The following NFIB variants were observed in gnomAD, a reference collection of about 807,000 sequenced individuals.
NFIB encodes the protein nuclear factor 1 B-type.
A neutral mutation model predicts 61.5 loss-of-function variants in NFIB; 11 were observed. The ratio of observed to expected loss-of-function variants is 0.18; its 90% CI spans 0.11 to 0.30. The LOEUF (loss-of-function observed/expected upper bound fraction) is 0.30. NFIB is among the 10% of genes least tolerant of loss of function. The pLI is 1.00. For synonymous variants in NFIB, 260 were observed against 216.5 expected, an observed-to-expected ratio of 1.20 and a Z score of -1.76; for missense variants, 471 against 608.9, an observed-to-expected ratio of 0.77 and a Z score of 2.38.
chr9:14,233,421 C>CTTTTT (rs766595252), intron 2 of NFIB, among the ~76,000 whole-genome samples: 2 of 109,128 alleles, frequency 1.8e-5, no homozygotes, highest in Admixed American at 9.8e-5. Flanking sequence ...TGCTATTATT[C>CTTTTT]TTTTTTTTTT....
upstream of NFIB, among the ~76,000 whole-genome samples, chr9:14,400,651 T>C (rs1321350238): frequency 6.6e-6 from 1 of 152,108 alleles, no homozygotes; most frequent in Non-Finnish European, 1.5e-5. Flanking sequence ...ATGCAAATAT[T>C]AACAAAGCAA....
At position 14,311,306 on chromosome 9, in the gene NFIB, C is replaced by A. The variant is rs1463137246; in HGVS notation, c.30+2176G>T. The stretch of plus-strand genomic sequence containing the variant: ...ATACTCTATTTTGCAATTTACATGT[C>A]CTGAGACATGTTTTTCTACAGCTAC... On this transcript the variant is annotated intron_variant, in intron 1 of 10. Coordinates refer to ENST00000380953, the MANE Select transcript of NFIB (RefSeq NM_001190737.2). 2.0e-5 allele frequency among the ~76,000 whole-genome samples: 3 copies of A among 151,968 alleles called. No homozygotes were observed. In the South Asian group the frequency reaches 6.2e-4, roughly 32 times the overall value.
intron 1 of NFIB, among the ~76,000 whole-genome samples, chr9:14,332,913 G>A (rs1324346575): frequency 2.0e-5 from 3 of 152,120 alleles, no homozygotes; most frequent in Non-Finnish European, 4.4e-5. Context: ...TCGGAAGGGT[G>A]GTCTGATAAT....
At chr9:14,156,316 C>T (rs926458329) in intron 3 of NFIB, among the ~76,000 whole-genome samples, 10 of 152,144 alleles carry the variant, frequency 6.6e-5, no homozygotes, top group African/African-American at 1.4e-4. Flanking sequence ...TTAAAGCCAC[C>T]GTTCTTTTGT....
intron 1 of NFIB, among the ~76,000 whole-genome samples, chr9:14,355,246 G>A (rs989663419): frequency 6.6e-6 from 1 of 152,118 alleles, no homozygotes; most frequent in African/African-American, 2.4e-5. Context: ...CAGTATGACT[G>A]GTGGAGTCCC....
intron 3 of NFIB, among the ~76,000 whole-genome samples, chr9:14,157,732 T>C (rs2043603211): frequency 2.0e-5 from 3 of 152,162 alleles, no homozygotes; most frequent in Non-Finnish European, 4.4e-5. Context: ...ATGTTTTGAC[T>C]CTTCTGGACC....
chr9:14,531,770 TC>T, the NFIB span: 1 of 151,424 alleles, frequency 6.6e-6, no homozygotes, highest in Admixed American at 6.6e-5. Context: ...AGCAGGGAAA[TC>T]CTATCTAGCA....
chr9:14,488,735 T>C, the NFIB span, among the ~76,000 whole-genome samples: 1 of 152,186 alleles, frequency 6.6e-6, no homozygotes, highest in Non-Finnish European at 1.5e-5. Flanking sequence ...ACATTACTAT[T>C]TTTATTAAAG....
At chr9:14,124,444 A>AT (rs1292411737) in intron 7 of NFIB, among the ~76,000 whole-genome samples, 1 of 152,130 alleles carries the variant, frequency 6.6e-6, no homozygotes, top group African/African-American at 2.4e-5. Flanking sequence ...AAGGCCATGC[A>AT]TTTTTTTAAG....
intron 2 of NFIB, among the ~76,000 whole-genome samples, chr9:14,245,011 C>G (rs1452384509): frequency 6.6e-6 from 1 of 152,194 alleles, no homozygotes; most frequent in Non-Finnish European, 1.5e-5. Flanking sequence ...TAAAAGTCAG[C>G]ATTCCCCTGG....
At chr9:14,374,863 T>G (rs1410085142) in intron 1 of NFIB, among the ~76,000 whole-genome samples, 3 of 152,110 alleles carry the variant, frequency 2.0e-5, no homozygotes, top group Non-Finnish European at 4.4e-5. Context: ...TGAGACAAGA[T>G]TGCGCCACTG....
At chr9:14,299,079 G>GTATAC (rs1563988620) in intron 2 of NFIB, among the ~76,000 whole-genome samples, 3 of 152,168 alleles carry the variant, frequency 2.0e-5, no homozygotes, top group African/African-American at 7.2e-5. Flanking sequence ...TAATAGAGGG[G>GTATAC]TATAGACTTC....
Position 14,398,656 on chromosome 9 carries a change from A to G in NFIB, c.-25T>C, listed in dbSNP as rs1262410887. The G allele has an allele frequency of 7.4e-6, 11 of 1,481,434 alleles. 1 individual carries two copies. The highest frequency in any genetic ancestry group is 1.0e-5 in the Non-Finnish European group (11 of 1,104,006). 91.8% of individuals were successfully genotyped at this position (1,481,434 alleles called of 1,614,324 possible). A position where few individuals can be genotyped will look rare whatever the true frequency, so the allele number is the denominator to read the frequency against. On this transcript the variant is annotated 5_prime_UTR_variant, in exon 1 of 9. Transcript: ENST00000380934. ...TACTCCGAACGGATTCCCGACAAGA[A>G]GCCTGTAGGCTCTGCTTCTGCCATT...
chr9:14,522,674 G>C, the NFIB span, among the ~76,000 whole-genome samples: 2 of 152,206 alleles, frequency 1.3e-5, no homozygotes, highest in African/African-American at 4.8e-5. Flanking sequence ...GTGCATGCTA[G>C]AGCATATATG....
At chr9:14,515,420 T>C in the NFIB span, among the ~76,000 whole-genome samples, 1 of 152,048 alleles carries the variant, frequency 6.6e-6, no homozygotes, top group Admixed American at 6.6e-5. Context: ...GTGGGGAAAT[T>C]GGGGTTTAGA....
rs1418339304 is a variant in NFIB, at chr9:14,314,122, G to A, written c.-611C>T. On this transcript the variant is annotated 5_prime_UTR_variant, in exon 1 of 11. Coordinates refer to ENST00000380953, the MANE Select transcript of NFIB (RefSeq NM_001190737.2). ...GCGAGCCGACCATGTGTGTGCGCGA[G>A]GGGCAGCGTGAGCGAGTGCGCGCGG... 3 of 1,035,078 alleles carry A rather than the reference G, an allele frequency of 2.9e-6. No individual in the cohort carries two copies. The highest frequency in any genetic ancestry group is 4.6e-5 in the South Asian group (1 of 21,584). 64.1% of individuals were successfully genotyped at this position (1,035,078 alleles called of 1,614,324 possible). A position where few individuals can be genotyped will look rare whatever the true frequency, so the allele number is the denominator to read the frequency against.
At chr9:14,090,639 A>G (rs1205445643) in intron 10 of NFIB, among the ~76,000 whole-genome samples, 14 of 152,104 alleles carry the variant, frequency 9.2e-5, no homozygotes, top group African/African-American at 3.4e-4. Context: ...ATTATTTTTA[A>G]CTTGAAGTAA....
At chr9:14,277,241 C>T (rs1353286383) in intron 2 of NFIB, among the ~76,000 whole-genome samples, 6 of 152,100 alleles carry the variant, frequency 3.9e-5, no homozygotes, top group African/African-American at 1.2e-4. Flanking sequence ...ATCCTCAAAT[C>T]CTCCAAACAA....
the NFIB span, among the ~76,000 whole-genome samples, chr9:14,454,284 T>C: frequency 2.0e-5 from 3 of 152,202 alleles, no homozygotes; most frequent in Non-Finnish European, 4.4e-5. Context: ...TAATAAGGAA[T>C]TGTGGAACAG....
Sources: allele counts gnomAD v4.1 joint callset (sites outside exome capture counted in the v4.1 genomes callset), GRCh38; gene constraint gnomAD v4.1.1; transcripts MANE v1.5; gene names NCBI Gene and HGNC (gene_info 2026-07-23, HGNC 2026-07-21).